PTPRQ: variants seen among roughly 807,000 people sequenced by gnomAD.
PTPRQ encodes the protein protein tyrosine phosphatase receptor type Q.
In PTPRQ, 199 loss-of-function variants were observed where a neutral mutation model predicts 246.0. That is an observed-to-expected ratio of 0.81 (90% CI 0.72 to 0.91). The LOEUF (loss-of-function observed/expected upper bound fraction) is 0.91, where lower values mean the gene tolerates loss of function less well. PTPRQ is among the 40% of genes least tolerant of loss of function. The pLI, the probability that PTPRQ is intolerant of heterozygous loss-of-function variation, is 0.00. For missense variants in PTPRQ, 2,624 were observed against 2,528.4 expected (o/e 1.04, Z -0.81); for synonymous variants, 869 against 853.2 (o/e 1.02, Z -0.32).
At chr12:80,507,498 T>C (rs974053405) in intron 16 of PTPRQ, among the ~76,000 whole-genome samples, 3 of 151,916 alleles carry the variant, frequency 2.0e-5, no homozygotes, top group Non-Finnish European at 4.4e-5. Flanking sequence ...CCTGTGACTG[T>C]TAAGGGCAGA....
intron 25 of PTPRQ, among the ~76,000 whole-genome samples, chr12:80,578,123 G>C (rs1897323764): frequency 1.3e-5 from 2 of 151,234 alleles, no homozygotes; most frequent in Non-Finnish European, 2.9e-5. Context: ...ACAACGTGCA[G>C]GTTTGTTACA....
At chr12:80,541,117 T>C (rs114566119) in intron 20 of PTPRQ, among the ~76,000 whole-genome samples, 4,078 of 152,164 alleles carry the variant, frequency 0.027, 196 homozygotes, top group African/African-American at 0.093. Context: ...CCACATGACC[T>C]TGGAGAAGTA....
chr12:80,644,551 A>C (rs1024254333), intron 35 of PTPRQ, among the ~76,000 whole-genome samples: 2 of 152,084 alleles, frequency 1.3e-5, no homozygotes, highest in African/African-American at 4.8e-5. Flanking sequence ...ACTTCATTCG[A>C]AACTAGCACT....
chr12:80,593,914 C>T (rs568919830), intron 26 of PTPRQ, among the ~76,000 whole-genome samples: 110 of 151,728 alleles, frequency 7.2e-4, no homozygotes, highest in South Asian at 2.7e-3. Context: ...CTATAGACCA[C>T]CAAGACTGGA....
At chr12:80,546,011 C>T (rs779079027) in intron 23 of PTPRQ, among the ~76,000 whole-genome samples, 2 of 151,892 alleles carry the variant, frequency 1.3e-5, no homozygotes, top group Non-Finnish European at 2.9e-5. Flanking sequence ...ATAAAACACT[C>T]TAGTTTTTTA....
At chr12:80,579,667 G>A (rs1036277475) in intron 25 of PTPRQ, among the ~76,000 whole-genome samples, 6 of 152,134 alleles carry the variant, frequency 3.9e-5, no homozygotes, top group African/African-American at 1.4e-4. Context: ...TGCAAAATTT[G>A]TAGCTGGTAT....
chr12:80,453,019 TG>T, intron 3 of PTPRQ, among the ~76,000 whole-genome samples: 1 of 152,358 alleles, frequency 6.6e-6, no homozygotes, highest in Non-Finnish European at 1.5e-5. Flanking sequence ...TACGTAGATT[TG>T]GTCTTTTCAC....
chr12:80,522,610 A>G (rs574288295), intron 17 of PTPRQ, among the ~76,000 whole-genome samples: 145 of 152,236 alleles, frequency 9.5e-4, no homozygotes, highest in African/African-American at 3.2e-3. Flanking sequence ...TTCTGCATCT[A>G]TTGAGATAAT....
At chr12:80,582,377 G>A (rs1358269434) in intron 25 of PTPRQ, among the ~76,000 whole-genome samples, 1 of 152,144 alleles carries the variant, frequency 6.6e-6, no homozygotes, top group Non-Finnish European at 1.5e-5. Context: ...CTGCAATGGA[G>A]TGAATGTTTA....
chr12:80,606,341 C>T (rs1898320169), intron 27 of PTPRQ, among the ~76,000 whole-genome samples: 1 of 150,850 alleles, frequency 6.6e-6, no homozygotes, highest in African/African-American at 2.4e-5. Context: ...AAGATGACAA[C>T]CTAAGGACAG....
intron 25 of PTPRQ, among the ~76,000 whole-genome samples, chr12:80,559,444 G>T (rs2120912219): frequency 6.6e-6 from 1 of 152,264 alleles, no homozygotes. Context: ...TATGGATTGT[G>T]TCTATGGATG....
Position 80,622,103 on chromosome 12 carries a change from C to T in PTPRQ, c.5655C>T (p.Asp1885=). 2 of 1,447,818 alleles carry T rather than the reference C, an allele frequency of 1.4e-6. No individual in the cohort carries two copies. Among genetic ancestry groups the T allele is most frequent in the Non-Finnish European group, 9.1e-7 (1 of 1,096,622 alleles). The allele number at this position is 1,447,818 out of a possible 1,614,324, so 89.7% of individuals were successfully genotyped here. Residue 1885 remains aspartate (D), a synonymous_variant, in exon 33 of 45, where the codon GAC becomes GAT. Transcript: ENST00000644991. ...CAAATATTATGGGACAATTTACTGA[C>T]TCTGATTATTCTGACCCTGTTAAGA... ...RATNIMGQFT[D]SDYSDPVKTL...
chr12:80,570,052 T>C (rs1454232385), intron 25 of PTPRQ, among the ~76,000 whole-genome samples: 1 of 152,266 alleles, frequency 6.6e-6, no homozygotes, highest in African/African-American at 2.4e-5. Context: ...TACATGTGCA[T>C]GTGTCTTTAT....
At chr12:80,548,441 T>C (rs1896373661) in intron 24 of PTPRQ, among the ~76,000 whole-genome samples, 1 of 152,136 alleles carries the variant, frequency 6.6e-6, no homozygotes, top group Non-Finnish European at 1.5e-5. Flanking sequence ...AAATTATCTT[T>C]AAAAAATTTT....
chr12:80,561,275 C>T (rs543331944), intron 25 of PTPRQ: 13 of 152,262 alleles, frequency 8.5e-5, no homozygotes, highest in African/African-American at 3.1e-4. Context: ...TTTTCCAAAG[C>T]ACTAACTTTG....
chr12:80,457,025 C>A (rs966023694), intron 3 of PTPRQ, among the ~76,000 whole-genome samples: 1 of 152,000 alleles, frequency 6.6e-6, no homozygotes, highest in African/African-American at 2.4e-5. Flanking sequence ...ATGACATTTT[C>A]TTTTTCTATT....
rs139756933 is a variant in PTPRQ, at chr12:80,623,936, C to T, written c.5686+1802C>T. 3.3e-3 allele frequency among the ~76,000 whole-genome samples: 509 copies of T among 152,260 alleles called. 2 individuals carry two copies. Among genetic ancestry groups the T allele is most frequent in the Middle Eastern group, 0.01 (3 of 294 alleles). On this transcript the variant is annotated intron_variant, in intron 33 of 44. Transcript: ENST00000644991. ...TGGCTTCTCTCTGCCCAATGATGGC[C>T]TCATCCAGCACTATAAGTAATCTCA...
At chr12:80,604,249 A>T (rs1898237046) in intron 26 of PTPRQ, among the ~76,000 whole-genome samples, 1 of 151,548 alleles carries the variant, frequency 6.6e-6, no homozygotes, top group Non-Finnish European at 1.5e-5. Context: ...AGGAGGACAG[A>T]GGTGTGTGCA....
intron 24 of PTPRQ, chr12:80,546,900 T>C (rs1896324567): frequency 1.9e-6 from 1 of 523,194 alleles, no homozygotes; most frequent in Non-Finnish European, 3.1e-6. Flanking sequence ...ACACATGGTT[T>C]TTCCTTTTGA....
Sources: allele counts gnomAD v4.1 joint callset (sites outside exome capture counted in the v4.1 genomes callset), GRCh38; gene constraint gnomAD v4.1.1; transcripts MANE v1.5; gene names NCBI Gene and HGNC (gene_info 2026-07-23, HGNC 2026-07-21).